Variants in PTPRD observed in about 807,000 individuals in gnomAD.
PTPRD encodes the protein receptor-type tyrosine-protein phosphatase delta.
PTPRD carries 34 observed loss-of-function variants against 214.5 expected under a neutral mutation model. The ratio of observed to expected loss-of-function variants is 0.16; its 90% confidence interval spans 0.12 to 0.21. PTPRD has a LOEUF of 0.21. Ranked by LOEUF, PTPRD falls within the 10% of genes least tolerant of loss-of-function variation. The probability of loss-of-function intolerance (pLI) is 1.00; values close to 1 mark genes in which losing one functional copy is unlikely to be tolerated. For missense variants in PTPRD, 2,545 were observed against 2,398.7 expected (o/e 1.06, Z -1.27); for synonymous variants, 1,128 against 845.7 (o/e 1.33, Z -5.79).
At chr9:10,039,430 ATAAATCTCTATTATCTG>A (rs1226660698) in intron 3 of PTPRD, among the ~76,000 whole-genome samples, 1 of 152,116 alleles carries the variant, frequency 6.6e-6, no homozygotes, top group East Asian at 1.9e-4. Context: ...TGTAAGGTAT[ATAAATCTCTATTATCTG>A]TGTATGTTTA....
rs1396791280 is a variant in PTPRD, at chr9:8,500,773, C to G, written c.2109G>C (p.Leu703Phe). ...ACATACCATCTTCATTGGTTCGAAT[C>G]AACACGGACAAGCTCTCAGGGCCAG... The part of the protein sequence containing the change: ...VGPGPESLSV[L>F]IRTNEDVPSG... The change falls in exon 24 of 46, where the codon TTG becomes TTC. Residue 703 changes from leucine (L) to phenylalanine (F), a missense_variant. Transcript: ENST00000381196. 1.9e-6 allele frequency: 3 copies of G among 1,614,044 alleles called. No homozygotes were observed. The highest frequency in any genetic ancestry group is 2.5e-6 in the Non-Finnish European group (3 of 1,179,992).
intron 3 of PTPRD, among the ~76,000 whole-genome samples, chr9:10,053,984 C>T (rs12552622): frequency 0.032 from 4,845 of 152,202 alleles, 142 homozygotes; most frequent in Admixed American, 0.093. Flanking sequence ...GTTTTGAACT[C>T]CTGACCTCAA....
In PTPRD at chr9:8,823,267, T is replaced by G. The variant is rs531435414; in HGVS notation, c.-103-89321A>C. On this transcript the variant is annotated intron_variant, in intron 11 of 45. Transcript: ENST00000381196. Reference sequence around the variant, plus strand: ...CCACTGAACCCCTTCTTAAAATTCCTGGATGATTTCATCCCTTCCCACAAA... The same window carrying G: ...CCACTGAACCCCTTCTTAAAATTCCGGGATGATTTCATCCCTTCCCACAAA... Among the ~76,000 whole-genome samples the G allele has an allele frequency of 5.9e-5, 9 of 152,306 alleles. No homozygotes were observed. The South Asian group carries it at 1.9e-3, about 32-fold the overall frequency.
At chr9:10,190,351 G>GCA (rs529884033) in intron 3 of PTPRD, among the ~76,000 whole-genome samples, 347 of 119,338 alleles carry the variant, frequency 2.9e-3, no homozygotes, top group African/African-American at 0.01. Context: ...CTGCACTCCA[G>GCA]CACTGCAGCC....
intron 7 of PTPRD, among the ~76,000 whole-genome samples, chr9:9,667,948 C>T (rs1208532347): frequency 1.3e-5 from 2 of 152,068 alleles, no homozygotes; most frequent in Non-Finnish European, 2.9e-5. Flanking sequence ...TAAATAAAGA[C>T]TTATGAGCTG....
intron 8 of PTPRD, among the ~76,000 whole-genome samples, chr9:9,534,362 C>T (rs965599754): frequency 1.3e-5 from 2 of 152,056 alleles, no homozygotes; most frequent in Admixed American, 1.3e-4. Context: ...TCCATGGCAG[C>T]ATTTCTCATT....
rs1592323538 is a variant in PTPRD at position 10,145,781 on chromosome 9, C to G, written c.-544-111991G>C. Among the ~76,000 whole-genome samples the G allele has an allele frequency of 2.0e-5, 3 of 151,922 alleles. No individual in the cohort carries two copies. In the East Asian group the frequency reaches 5.8e-4, roughly 29 times the overall value. On this transcript the variant is annotated intron_variant, in intron 3 of 45. Coordinates refer to ENST00000381196, the MANE Select transcript of PTPRD (RefSeq NM_002839.4). The stretch of plus-strand genomic sequence containing the variant: ...ACAGACATGTATAACAGAAAAAATT[C>G]AAAGTATGATATGATATGCTTTACT...
intron 31 of PTPRD, among the ~76,000 whole-genome samples, chr9:8,465,892 C>A (rs1453747200): frequency 6.6e-6 from 1 of 151,838 alleles, no homozygotes; most frequent in East Asian, 1.9e-4. Context: ...ACTGCTCTGA[C>A]AAGGTCTAGG....
At chr9:8,411,008 T>C (rs182375093) in intron 35 of PTPRD, among the ~76,000 whole-genome samples, 16 of 152,194 alleles carry the variant, frequency 1.1e-4, no homozygotes, top group South Asian at 4.1e-4. Context: ...GAGGAAACCA[T>C]TGATTCCCAG....
In PTPRD at chr9:9,559,040, G is replaced by T. The variant is rs867023943; in HGVS notation, c.-237+15692C>A. On this transcript the variant is annotated intron_variant, in intron 8 of 45. Coordinates refer to ENST00000381196, the MANE Select transcript of PTPRD (RefSeq NM_002839.4). ...ATGTCCGCACGTTCCAGTCCGGGGG[G>T]GTAGCTATCCATGAGTGCACCCATC... Among the ~76,000 whole-genome samples, 5 of 152,206 alleles carry T rather than the reference G, an allele frequency of 3.3e-5. No individual in the cohort carries two copies. In the South Asian group the frequency reaches 1.0e-3, roughly 31 times the overall value.
At chr9:9,756,570 G>A (rs934146143) in intron 6 of PTPRD, among the ~76,000 whole-genome samples, 4 of 152,048 alleles carry the variant, frequency 2.6e-5, no homozygotes, top group African/African-American at 9.7e-5. Flanking sequence ...GATAGGGGGT[G>A]GGGGTTGGAG....
chr9:10,382,539 G>C (rs73644439), intron 2 of PTPRD, among the ~76,000 whole-genome samples: 1 of 151,780 alleles, frequency 6.6e-6, no homozygotes, highest in Non-Finnish European at 1.5e-5. Flanking sequence ...TGTAGAATAG[G>C]ATAAAATAGA....
At chr9:8,519,655 T>C (rs887738283) in intron 20 of PTPRD, among the ~76,000 whole-genome samples, 7 of 152,214 alleles carry the variant, frequency 4.6e-5, no homozygotes, top group African/African-American at 1.7e-4. Context: ...AGGTTTTTAA[T>C]GAGAATCGTT....
At chr9:9,297,431 C>T (rs1174763230) in intron 9 of PTPRD, among the ~76,000 whole-genome samples, 1 of 151,358 alleles carries the variant, frequency 6.6e-6, no homozygotes, top group Admixed American at 6.6e-5. Flanking sequence ...CCTTTTAGTC[C>T]ATGATGAGTT....
At chr9:10,148,572 A>C (rs1194868137) in intron 3 of PTPRD, among the ~76,000 whole-genome samples, 1 of 152,232 alleles carries the variant, frequency 6.6e-6, no homozygotes, top group Non-Finnish European at 1.5e-5. Flanking sequence ...TTCAAGGAAG[A>C]GGTCAAAATA....
At chr9:9,492,849 A>G (rs984994867) in intron 8 of PTPRD, among the ~76,000 whole-genome samples, 1 of 150,764 alleles carries the variant, frequency 6.6e-6, no homozygotes, top group Admixed American at 6.6e-5. Context: ...GCAATAATTT[A>G]AACTTTATTA....
intron 2 of PTPRD, among the ~76,000 whole-genome samples, chr9:10,574,360 A>G (rs2068470766): frequency 6.6e-6 from 1 of 152,132 alleles, no homozygotes; most frequent in African/African-American, 2.4e-5. Context: ...GAACTTCAAA[A>G]TGCTAATCCA....
At chr9:9,593,399 G>C (rs763303424) in intron 7 of PTPRD, among the ~76,000 whole-genome samples, 1 of 151,724 alleles carries the variant, frequency 6.6e-6, no homozygotes, top group African/African-American at 2.4e-5. Context: ...TATCTCCAAG[G>C]CTTGAGTATT....
At chr9:8,460,155 A>C (rs2096352530) in intron 33 of PTPRD, 6 of 487,086 alleles carry the variant, frequency 1.2e-5, no homozygotes, top group Admixed American at 1.1e-4. Context: ...ATCTGCATAA[A>C]GCAGCTCAGA....
Sources: gnomAD v4.1 joint callset for allele counts (sites outside exome capture counted in the v4.1 genomes callset) on GRCh38, gnomAD v4.1.1 for gene constraint, MANE v1.5 for transcripts, NCBI Gene and HGNC (gene_info 2026-07-23, HGNC 2026-07-21) for gene names.